The following MOB3B variants were observed in gnomAD, a reference collection of about 807,000 sequenced individuals.
The protein encoded by MOB3B is MOB kinase activator 3B, also known as MOB kinase activator-like 2B.
MOB3B carries 7 observed loss-of-function variants against 18.7 expected under a neutral mutation model. That is an observed-to-expected ratio of 0.37 (90% CI 0.21 to 0.70). The LOEUF (loss-of-function observed/expected upper bound fraction) is 0.70. MOB3B is among the 30% of genes least tolerant of loss of function. The pLI is 0.52. For synonymous variants in MOB3B, 111 were observed against 99.9 expected (o/e 1.11, Z -0.66); for missense variants, 253 against 281.3 (o/e 0.90, Z 0.72).
chr9:27,408,063 T>G (rs11794125), intron 2 of MOB3B, among the ~76,000 whole-genome samples: 11,454 of 152,242 alleles, frequency 0.075, 517 homozygotes, highest in South Asian at 0.12. Context: ...AATGGCTCAC[T>G]GATGCCCCAG....
chr9:27,414,134 C>T (rs1822113380), intron 2 of MOB3B, among the ~76,000 whole-genome samples: 1 of 152,178 alleles, frequency 6.6e-6, no homozygotes, highest in Admixed American at 6.5e-5. Flanking sequence ...ACGGCTGCTT[C>T]CCCAGGGAAA....
intron 1 of MOB3B, among the ~76,000 whole-genome samples, chr9:27,490,227 T>A (rs143157466): frequency 6.6e-6 from 1 of 152,194 alleles, no homozygotes; most frequent in Non-Finnish European, 1.5e-5. Context: ...AGCCAACAGG[T>A]ATAGAGGACC....
chr9:27,490,891 G>A (rs1297598904), intron 1 of MOB3B, among the ~76,000 whole-genome samples: 1 of 151,984 alleles, frequency 6.6e-6, no homozygotes, highest in African/African-American at 2.4e-5. Context: ...GCCCAGAAAA[G>A]CAAATTCGAA....
At chr9:27,381,885 A>G (rs1237181312) in intron 2 of MOB3B, among the ~76,000 whole-genome samples, 1 of 152,180 alleles carries the variant, frequency 6.6e-6, no homozygotes, top group Non-Finnish European at 1.5e-5. Context: ...GGTTCAAGCA[A>G]TCCTCCAGCC....
intron 3 of MOB3B, among the ~76,000 whole-genome samples, chr9:27,357,069 T>C (rs993205877): frequency 4.9e-5 from 7 of 142,892 alleles, no homozygotes; most frequent in African/African-American, 1.8e-4. Context: ...GTGAGCCATC[T>C]CAAGTGTAAC....
At chr9:27,463,919 C>T (rs7029227) in intron 1 of MOB3B, among the ~76,000 whole-genome samples, 26,728 of 151,768 alleles carry the variant, frequency 0.18, 2,982 homozygotes, top group Non-Finnish European at 0.26. Context: ...ATTGCACCAC[C>T]GTGCTCCAGC....
chr9:27,428,929 C>T (rs1162495271), intron 2 of MOB3B, among the ~76,000 whole-genome samples: 1 of 152,156 alleles, frequency 6.6e-6, no homozygotes, highest in African/African-American at 2.4e-5. Flanking sequence ...GCTGGCTTTC[C>T]CACCACCTGG....
In MOB3B at chr9:27,524,559, T is replaced by C. The variant is rs768269658; in HGVS notation, c.-199+4996A>G. 7.3e-5 allele frequency: 118 copies of C among 1,613,976 alleles called. No individual in the cohort carries two copies. The South Asian group carries it at 1.3e-3, about 18-fold the overall frequency. ...TGAGTTGCCCCAAGAGTTTCTGCAATACACCCAACCTATGAAGAGGGACAT... is the reference window on the plus strand; with the variant it reads ...TGAGTTGCCCCAAGAGTTTCTGCAACACACCCAACCTATGAAGAGGGACAT... On this transcript the variant is annotated intron_variant, in intron 1 of 3. Transcript: ENST00000262244.
At chr9:27,510,405 T>C (rs1457869041) in intron 1 of MOB3B, among the ~76,000 whole-genome samples, 1 of 152,222 alleles carries the variant, frequency 6.6e-6, no homozygotes, top group African/African-American at 2.4e-5. Context: ...TTTTCTAACA[T>C]TGTCTTCTTT....
At chr9:27,375,956 T>C (rs1046991936) in intron 2 of MOB3B, among the ~76,000 whole-genome samples, 1 of 152,222 alleles carries the variant, frequency 6.6e-6, no homozygotes, top group Non-Finnish European at 1.5e-5. Context: ...ATCATAAAAG[T>C]AATATTGTTT....
rs1464916908 is a variant in MOB3B, at chr9:27,458,946, T to A, written c.-198-3198A>T. On this transcript the variant is annotated intron_variant, in intron 1 of 3. Coordinates refer to ENST00000262244, the MANE Select transcript of MOB3B (RefSeq NM_024761.5). ...TGACATGGTCAGACATGAGGCTGTC[T>A]CTTTAGGTCAAACTTTTGAATCTAA... Among the ~76,000 whole-genome samples, 3 of 152,122 alleles carry A rather than the reference T, an allele frequency of 2.0e-5. 1 individual carries two copies. Among genetic ancestry groups the A allele is most frequent in the Non-Finnish European group, 4.4e-5 (3 of 68,034 alleles).
At chr9:27,452,677 C>T (rs1200868181) in intron 2 of MOB3B, among the ~76,000 whole-genome samples, 4 of 152,148 alleles carry the variant, frequency 2.6e-5, no homozygotes, top group Non-Finnish European at 5.9e-5. Flanking sequence ...CAATGGAATA[C>T]TATTCAGCCT....
In MOB3B at chr9:27,407,271, A is replaced by G. The variant is rs573081204; in HGVS notation, c.418+47862T>C. The stretch of plus-strand genomic sequence containing the variant: ...CACAACATCAGGGAACCATTCCCAG[A>G]CGTGGCTGTGGATGCTGCCATTTCT... On this transcript the variant is annotated intron_variant, in intron 2 of 3. Coordinates refer to ENST00000262244, the MANE Select transcript of MOB3B (RefSeq NM_024761.5). Among the ~76,000 whole-genome samples, 255 of 152,300 alleles carry G rather than the reference A, an allele frequency of 1.7e-3. 5 individuals are homozygous for G. The highest frequency in any genetic ancestry group is 6.0e-3 in the African/African-American group (249 of 41,554).
chr9:27,357,152 T>A (rs1350599708), intron 3 of MOB3B, among the ~76,000 whole-genome samples: 213 of 70,622 alleles, frequency 3.0e-3, no homozygotes, highest in East Asian at 6.5e-3. Context: ...ATATGTGTTT[T>A]TTTTTTTGCC....
chr9:27,458,693 G>A (rs1377320568), intron 1 of MOB3B, among the ~76,000 whole-genome samples: 1 of 150,662 alleles, frequency 6.6e-6, no homozygotes, highest in African/African-American at 2.4e-5. Context: ...AGGGACCGTA[G>A]GTGCATGCCA....
chr9:27,381,415 GTC>G (rs1306692790), intron 2 of MOB3B, among the ~76,000 whole-genome samples: 1 of 152,024 alleles, frequency 6.6e-6, no homozygotes, highest in African/African-American at 2.4e-5. Context: ...CTACAAGTCT[GTC>G]TCTGCCAAAA....
chr9:27,373,858 C>T (rs1030059237), intron 2 of MOB3B, among the ~76,000 whole-genome samples: 1 of 152,216 alleles, frequency 6.6e-6, no homozygotes, highest in Admixed American at 6.5e-5. Flanking sequence ...CCAAAAGCCG[C>T]CTCCTCTACT....
intron 1 of MOB3B, among the ~76,000 whole-genome samples, chr9:27,503,803 G>A (rs566248069): frequency 6.6e-5 from 10 of 152,332 alleles, no homozygotes; most frequent in South Asian, 4.1e-4. Flanking sequence ...GAGAGCCACC[G>A]CCCTGGAGGG....
chr9:27,396,989 A>ATGCC (rs1821809879), intron 2 of MOB3B: 1 of 152,238 alleles, frequency 6.6e-6, no homozygotes, highest in African/African-American at 2.4e-5. Flanking sequence ...ATTTGGTAAG[A>ATGCC]TGCCTTCATC....
Sources: gnomAD v4.1 joint callset for allele counts (sites outside exome capture counted in the v4.1 genomes callset) on GRCh38, gnomAD v4.1.1 for gene constraint, MANE v1.5 for transcripts, NCBI Gene and HGNC (gene_info 2026-07-23, HGNC 2026-07-21) for gene names.